Variants in TSPAN18 observed in about 807,000 individuals in gnomAD.
TSPAN18 encodes the protein tetraspanin 18, also known as tetraspanin-18.
Under a neutral mutation model 27.3 loss-of-function variants are expected in TSPAN18, and 14 were observed. The observed-to-expected ratio is 0.51, with a 90% CI of 0.34 to 0.80. The LOEUF (loss-of-function observed/expected upper bound fraction) is 0.80. TSPAN18 is among the 30% of genes least tolerant of loss of function. The pLI is 0.01. For synonymous variants in TSPAN18, 143 were observed against 136.5 expected, an observed-to-expected ratio of 1.05 and a Z score of -0.33; for missense variants, 268 against 323.9, an observed-to-expected ratio of 0.83 and a Z score of 1.32.
At position 44,745,793 on chromosome 11, in the gene TSPAN18, C is replaced by T. The variant is rs373304099; in HGVS notation, c.-240+18506C>T. ...CTGTAATCCCAGCACTTTGGGAGGC[C>T]GAGGCGGGTGGATCACGAGGTCAGG... is the stretch of plus-strand genomic sequence containing the variant. On this transcript the variant is annotated intron_variant, in intron 1 of 9. Transcript: ENST00000520358. Among the ~76,000 whole-genome samples the T allele has an allele frequency of 3.9e-3, 595 of 152,218 alleles. 2 individuals carry two copies. Among genetic ancestry groups the T allele is most frequent in the African/African-American group, 0.013 (554 of 41,528 alleles).
intron 1 of TSPAN18, among the ~76,000 whole-genome samples, chr11:44,751,325 A>G (rs1364313166): frequency 2.0e-5 from 3 of 152,010 alleles, no homozygotes; most frequent in Non-Finnish European, 2.9e-5. Flanking sequence ...TTCCTTTTCT[A>G]CTTGGGAGAC....
intron 3 of TSPAN18, among the ~76,000 whole-genome samples, chr11:44,862,137 G>A (rs1040409785): frequency 3.3e-5 from 5 of 152,184 alleles, no homozygotes; most frequent in Admixed American, 6.5e-5. Context: ...CCCCTTAGAG[G>A]GACAGGGGAG....
chr11:44,766,593 CTT>C (rs1364878935), intron 2 of TSPAN18, among the ~76,000 whole-genome samples: 3 of 152,230 alleles, frequency 2.0e-5, no homozygotes, highest in African/African-American at 7.2e-5. Flanking sequence ...TAAAAAATCT[CTT>C]TAAGTGCAGA....
chr11:44,878,218 C>A (rs1454389851), intron 3 of TSPAN18, among the ~76,000 whole-genome samples: 1 of 152,088 alleles, frequency 6.6e-6, no homozygotes, highest in Non-Finnish European at 1.5e-5. Flanking sequence ...CAAACCATTA[C>A]GTGTTCCAAT....
chr11:44,896,541 A>G (rs1205422741), intron 3 of TSPAN18, among the ~76,000 whole-genome samples: 1 of 152,076 alleles, frequency 6.6e-6, no homozygotes, highest in African/African-American at 2.4e-5. Context: ...TCACATAGGT[A>G]TGTTTAGGCC....
At chr11:44,916,734 A>G (rs1859924879) in intron 5 of TSPAN18, among the ~76,000 whole-genome samples, 2 of 152,150 alleles carry the variant, frequency 1.3e-5, no homozygotes, top group African/African-American at 4.8e-5. Context: ...CATCGGGGGC[A>G]GGCAGGCAGG....
chr11:44,789,936 C>A (rs1249721803), intron 2 of TSPAN18, among the ~76,000 whole-genome samples: 1 of 152,212 alleles, frequency 6.6e-6, no homozygotes, highest in Non-Finnish European at 1.5e-5. Flanking sequence ...TTCTCCAATG[C>A]CTGTGCCCCT....
At position 44,848,254 on chromosome 11, in the gene TSPAN18, T is replaced by C. The variant is rs1183583999; in HGVS notation, c.-152-12074T>C. The stretch of plus-strand genomic sequence containing the variant: ...TTGCCCCTGCCCTGATCCATTTGGC[T>C]CTTCGAGGCGTTCAGTCCTTTGCGC... On this transcript the variant is annotated intron_variant, in intron 2 of 9. Coordinates refer to ENST00000520358, the MANE Select transcript of TSPAN18 (RefSeq NM_130783.5). 3.3e-5 allele frequency among the ~76,000 whole-genome samples: 5 copies of C among 152,160 alleles called. No individual in the cohort carries two copies. In the East Asian group the frequency reaches 9.6e-4, roughly 29 times the overall value.
intron 2 of TSPAN18, among the ~76,000 whole-genome samples, chr11:44,847,073 G>A (rs145210277): frequency 4.2e-4 from 64 of 152,326 alleles, no homozygotes; most frequent in African/African-American, 1.2e-3. Flanking sequence ...AGGGAGAGAC[G>A]CAGGGCTGTG....
chr11:44,797,489 G>A (rs534519978), intron 2 of TSPAN18, among the ~76,000 whole-genome samples: 37 of 152,272 alleles, frequency 2.4e-4, no homozygotes, highest in Admixed American at 5.2e-4. Context: ...AGGGATGATG[G>A]CGGGGTGGGG....
chr11:44,861,588 A>G (rs1857887829), intron 3 of TSPAN18, among the ~76,000 whole-genome samples: 1 of 152,008 alleles, frequency 6.6e-6, no homozygotes, highest in Non-Finnish European at 1.5e-5. Flanking sequence ...TCCAAGCATT[A>G]TTTTTAGAAA....
chr11:44,816,822 A>T (rs1188013728), intron 2 of TSPAN18, among the ~76,000 whole-genome samples: 1 of 152,102 alleles, frequency 6.6e-6, no homozygotes, highest in Non-Finnish European at 1.5e-5. Flanking sequence ...GTGCCTCCTG[A>T]GCAGGAGGAG....
At chr11:44,903,346 AG>A in intron 3 of TSPAN18, 1 of 449,284 alleles carries the variant, frequency 2.2e-6, no homozygotes, top group Non-Finnish European at 4.5e-6. Flanking sequence ...AGTAAGCGTC[AG>A]GGACATACCT....
At chr11:44,912,774 G>A (rs1183042504) in intron 5 of TSPAN18, among the ~76,000 whole-genome samples, 1 of 152,078 alleles carries the variant, frequency 6.6e-6, no homozygotes, top group Non-Finnish European at 1.5e-5. Flanking sequence ...CATGGGTGTT[G>A]TATGTGCATG....
chr11:44,913,603 A>G (rs1209790126), intron 5 of TSPAN18, among the ~76,000 whole-genome samples: 1 of 152,252 alleles, frequency 6.6e-6, no homozygotes. Flanking sequence ...AAAAAAGATA[A>G]ATGAGCTGAA....
At chr11:44,741,458 T>A (rs2134824379) in intron 1 of TSPAN18, among the ~76,000 whole-genome samples, 1 of 152,016 alleles carries the variant, frequency 6.6e-6, no homozygotes, top group South Asian at 2.1e-4. Context: ...TGTGTGTGTG[T>A]GTGTGTGTGT....
chr11:44,920,660 G>C (rs1860095658), intron 8 of TSPAN18, among the ~76,000 whole-genome samples: 1 of 152,144 alleles, frequency 6.6e-6, no homozygotes, highest in African/African-American at 2.4e-5. Flanking sequence ...CTCTGCCAGT[G>C]TGGGTGTGTG....
chr11:44,900,066 CTG>C (rs1453437093), intron 3 of TSPAN18, among the ~76,000 whole-genome samples: 2 of 152,216 alleles, frequency 1.3e-5, no homozygotes, highest in Non-Finnish European at 2.9e-5. Context: ...AGTTAGGAAA[CTG>C]TGCCGTGAAG....
At chr11:44,794,237 AC>A (rs1418132641) in intron 2 of TSPAN18, among the ~76,000 whole-genome samples, 1 of 152,186 alleles carries the variant, frequency 6.6e-6, no homozygotes, top group Non-Finnish European at 1.5e-5. Flanking sequence ...TACCAGGTTC[AC>A]CCCTACCAAG....
Sources: allele counts gnomAD v4.1 joint callset (sites outside exome capture counted in the v4.1 genomes callset), GRCh38; gene constraint gnomAD v4.1.1; transcripts MANE v1.5; gene names NCBI Gene and HGNC (gene_info 2026-07-23, HGNC 2026-07-21).